Variants in PLCG2 observed in about 807,000 individuals in gnomAD.
PLCG2 encodes the protein phospholipase C gamma 2.
PLCG2 carries 69 observed loss-of-function variants against 175.6 expected under a neutral mutation model. The ratio of observed to expected loss-of-function variants is 0.39; its 90% CI spans 0.32 to 0.48. The LOEUF is 0.48. Ranked by LOEUF, PLCG2 falls within the 20% of genes least tolerant of loss-of-function variation. The probability of loss-of-function intolerance (pLI) is 0.91; values close to 1 mark genes in which losing one functional copy is unlikely to be tolerated. For synonymous variants in PLCG2, 827 were observed against 624.0 expected, an observed-to-expected ratio of 1.33 and a Z score of -4.85; for missense variants, 1,798 against 1,650.9, an observed-to-expected ratio of 1.09 and a Z score of -1.54.
At chr16:81,769,201 A>C (rs958738905) in intron 2 of PLCG2, among the ~76,000 whole-genome samples, 4 of 152,136 alleles carry the variant, frequency 2.6e-5, no homozygotes, top group African/African-American at 9.7e-5. Flanking sequence ...GGTCTTTCTG[A>C]AATGGTTGCC....
chr16:81,753,266 A>G (rs902589942), intron 1 of PLCG2, among the ~76,000 whole-genome samples: 4 of 149,246 alleles, frequency 2.7e-5, no homozygotes, highest in Non-Finnish European at 3.0e-5. Flanking sequence ...AGCCCCATTG[A>G]GCCAATTTGG....
chr16:81,901,554 G>C (rs1418003507), intron 14 of PLCG2, among the ~76,000 whole-genome samples: 6 of 152,130 alleles, frequency 3.9e-5, no homozygotes, highest in Non-Finnish European at 7.4e-5. Context: ...AGAATCCACG[G>C]TTAGAATCAG....
intron 5 of PLCG2, among the ~76,000 whole-genome samples, chr16:81,866,796 C>G (rs1907261434): frequency 6.6e-6 from 1 of 152,242 alleles, no homozygotes; most frequent in Admixed American, 6.5e-5. Context: ...TCTGGCTCCT[C>G]TCCCCACGAC....
At chr16:81,845,759 G>T (rs1462960572) in intron 2 of PLCG2, among the ~76,000 whole-genome samples, 2 of 152,232 alleles carry the variant, frequency 1.3e-5, no homozygotes, top group Non-Finnish European at 2.9e-5. Flanking sequence ...CCTGATGTAA[G>T]ATCAAGGGGT....
In PLCG2 at chr16:81,951,978, G is replaced by C. The variant is rs1208946466; in HGVS notation, c.3571-4717G>C. Among the ~76,000 whole-genome samples, 4 of 152,042 alleles carry C rather than the reference G, an allele frequency of 2.6e-5. 1 individual carries two copies. Among genetic ancestry groups the C allele is most frequent in the Non-Finnish European group, 4.4e-5 (3 of 68,016 alleles). Reference sequence around the variant, plus strand: ...AAAGAGACTGATGTTTATTTTTCTTGTATTTATTGAACGTAACCACTTCTG... The same window carrying C: ...AAAGAGACTGATGTTTATTTTTCTTCTATTTATTGAACGTAACCACTTCTG... On this transcript the variant is annotated intron_variant, in intron 31 of 32. Coordinates refer to ENST00000564138, the MANE Select transcript of PLCG2 (RefSeq NM_002661.5).
At position 81,852,474 on chromosome 16, in the gene PLCG2, G is replaced by A. The variant is rs1481908534; in HGVS notation, c.194-1970G>A. Among the ~76,000 whole-genome samples the A allele has an allele frequency of 2.1e-5, 3 of 139,894 alleles. No homozygotes were observed. The Admixed American group carries it at 2.3e-4, about 11-fold the overall frequency. The allele number at this position is 139,894 out of a possible 152,430, so 91.8% of individuals were successfully genotyped here. A position where few individuals can be genotyped will look rare whatever the true frequency, so the allele number is the denominator to read the frequency against. Reference sequence around the variant, plus strand: ...GTTTTTCAGAAGAAAGGGAAAGAAGGGACTGGTTGAGCTTGTTGAGCTTGT... The same window carrying A: ...GTTTTTCAGAAGAAAGGGAAAGAAGAGACTGGTTGAGCTTGTTGAGCTTGT... On this transcript the variant is annotated intron_variant, in intron 2 of 32. Transcript: ENST00000564138.
chr16:81,894,829 C>T lies in PLCG2; in HGVS notation c.1073-978C>T, dbSNP rs548004328. 4.8e-4 allele frequency among the ~76,000 whole-genome samples: 72 copies of T among 150,216 alleles called. 2 individuals carry two copies. The South Asian group carries it at 0.013, about 27-fold the overall frequency. On this transcript the variant is annotated intron_variant, in intron 12 of 32. Coordinates refer to ENST00000564138, the MANE Select transcript of PLCG2 (RefSeq NM_002661.5). ...CAGAGGTTGCAGTAAGCTGAGATCG[C>T]GCCGCTGCACGCCAGCCTGGGCAAC...
At chr16:81,764,665 T>G (rs1910107521) in intron 2 of PLCG2, among the ~76,000 whole-genome samples, 1 of 152,222 alleles carries the variant, frequency 6.6e-6, no homozygotes, top group African/African-American at 2.4e-5. Context: ...TTTATTACCT[T>G]GTGGACCAGG....
chr16:81,945,009 G>A (rs1296104140), intron 30 of PLCG2, among the ~76,000 whole-genome samples: 1 of 152,088 alleles, frequency 6.6e-6, no homozygotes, highest in Non-Finnish European at 1.5e-5. Context: ...GAGAATTATG[G>A]TTACAAAATG....
intron 2 of PLCG2, among the ~76,000 whole-genome samples, chr16:81,819,850 C>G (rs1904718124): frequency 6.6e-6 from 1 of 152,216 alleles, no homozygotes; most frequent in African/African-American, 2.4e-5. Context: ...TCCCAAAGTG[C>G]TGGGATTACA....
chr16:81,785,848 C>A, intron 1 of PLCG2, 95 bp from the exon 2 acceptor site: 1 of 728,898 alleles, frequency 1.4e-6, no homozygotes, highest in Non-Finnish European at 2.3e-6. Context: ...TCCTGATTGA[C>A]ATGAGACAGG....
In PLCG2 at chr16:81,754,546, G is replaced by A. The variant is rs189284769; in HGVS notation, c.-144-1324G>A. On this transcript the variant is annotated intron_variant, in intron 1 of 5. Transcript: ENST00000565054. Reference sequence around the variant, plus strand: ...CCTATACCTTGTACCAAGCTGGGTGGTGATCCACTTGGAAATTCACAAAGC... The same window carrying A: ...CCTATACCTTGTACCAAGCTGGGTGATGATCCACTTGGAAATTCACAAAGC... Among the ~76,000 whole-genome samples the A allele has an allele frequency of 2.1e-4, 30 of 143,556 alleles. No individual in the cohort carries two copies. The East Asian group carries it at 5.2e-3, about 25-fold the overall frequency. The allele number at this position is 143,556 out of a possible 152,430, so 94.2% of individuals were successfully genotyped here. A position where few individuals can be genotyped will look rare whatever the true frequency, so the allele number is the denominator to read the frequency against.
intron 1 of PLCG2, chr16:81,740,127 G>C (rs72831174): frequency 0.38 from 41,748 of 110,926 alleles, 6,494 homozygotes; most frequent in Admixed American, 0.45. Flanking sequence ...AACAAAGCAA[G>C]ACTCTGTCTC....
intron 13 of PLCG2, among the ~76,000 whole-genome samples, chr16:81,897,686 T>C (rs1908958482): frequency 6.6e-6 from 1 of 151,896 alleles, no homozygotes; most frequent in African/African-American, 2.4e-5. Context: ...GCTGGGATTA[T>C]AGGCATCCAC....
chr16:81,764,288 T>A (rs547319727), intron 2 of PLCG2, among the ~76,000 whole-genome samples: 2 of 152,002 alleles, frequency 1.3e-5, no homozygotes, highest in African/African-American at 4.8e-5. Context: ...CAGAGTGAGA[T>A]CCTGTCTCAA....
intron 2 of PLCG2, among the ~76,000 whole-genome samples, chr16:81,792,777 A>G (rs1181447260): frequency 2.0e-5 from 3 of 152,208 alleles, no homozygotes; most frequent in African/African-American, 7.2e-5. Flanking sequence ...CTATGATTCA[A>G]TTACCTCCCA....
intron 13 of PLCG2, among the ~76,000 whole-genome samples, 168 bp from the exon 14 acceptor site, chr16:81,900,444 C>T (rs1039888341): frequency 5.3e-5 from 8 of 152,256 alleles, no homozygotes; most frequent in Non-Finnish European, 1.2e-4. Context: ...CTTGTGCCTT[C>T]ACACCCAGGA....
At chr16:81,911,980 G>C (rs1909646968) in intron 18 of PLCG2, among the ~76,000 whole-genome samples, 1 of 151,818 alleles carries the variant, frequency 6.6e-6, no homozygotes, top group African/African-American at 2.4e-5. Flanking sequence ...TGTATTTTTA[G>C]TAGAGACAGG....
chr16:81,787,207 CTCT>C (rs1567463797), intron 2 of PLCG2, among the ~76,000 whole-genome samples: 102 of 131,012 alleles, frequency 7.8e-4, no homozygotes, highest in African/African-American at 2.6e-3. Context: ...TATCATTGTA[CTCT>C]TTTTTTTTTA....
Sources: allele counts gnomAD v4.1 joint callset (sites outside exome capture counted in the v4.1 genomes callset), GRCh38; gene constraint gnomAD v4.1.1; transcripts MANE v1.5; gene names NCBI Gene and HGNC (gene_info 2026-07-23, HGNC 2026-07-21).